The following NDRG2 variants were observed in gnomAD, a reference collection of about 807,000 sequenced individuals.
NDRG2 encodes NDRG family member 2.
In NDRG2, 34 loss-of-function variants were observed where a neutral mutation model predicts 58.2. The observed-to-expected ratio is 0.58, with a 90% confidence interval of 0.44 to 0.78. The LOEUF (loss-of-function observed/expected upper bound fraction) is 0.78, where lower values mean the gene tolerates loss of function less well. Ranked by LOEUF, NDRG2 falls within the 30% of genes least tolerant of loss-of-function variation. The pLI is 0.00. For missense variants in NDRG2, 434 were observed against 471.2 expected, an observed-to-expected ratio of 0.92 and a Z score of 0.73; for synonymous variants, 187 against 175.9, an observed-to-expected ratio of 1.06 and a Z score of -0.50.
intron 1 of NDRG2, among the ~76,000 whole-genome samples, chr14:21,031,703 C>T (rs768262212): frequency 3.3e-5 from 5 of 152,186 alleles, no homozygotes; most frequent in Non-Finnish European, 5.9e-5. Context: ...TCCTCCTCCC[C>T]CATGAGTGAA....
intron 1 of NDRG2, among the ~76,000 whole-genome samples, chr14:21,068,520 G>A (rs1320789591): frequency 6.6e-6 from 1 of 152,136 alleles, no homozygotes; most frequent in Admixed American, 6.5e-5. Context: ...TCTCAACACC[G>A]AGAATAGATG....
intron 1 of NDRG2, among the ~76,000 whole-genome samples, chr14:21,035,554 C>T (rs370867053): frequency 6.6e-5 from 10 of 152,180 alleles, no homozygotes; most frequent in African/African-American, 2.4e-4. Context: ...TTGGGGCCTC[C>T]TCTTAGGAGA....
rs1384174599 is a variant in NDRG2 at position 21,021,824 on chromosome 14, A to T, written c.400T>A (p.Tyr134Asn). ...GGTTCCCAGGCCTCTCACTTTAGGT[A>T]CTGCAGGACGCAAGGGATCATGTCT... is the stretch of plus-strand genomic sequence containing the variant. The part of the protein sequence containing the change: ...LADMIPCVLQ[Y>N]LNFSTIIGVG... Residue 134 changes from tyrosine to asparagine, a missense_variant, in exon 6 of 16, where the codon TAC becomes AAC. Coordinates refer to ENST00000556147, the MANE Select transcript of NDRG2 (RefSeq NM_001320329.2). The T allele has an allele frequency of 6.2e-7, 1 of 1,612,792 alleles. No individual in the cohort carries two copies. Among genetic ancestry groups the T allele is most frequent in the Non-Finnish European group, 8.5e-7 (1 of 1,179,390 alleles).
chr14:21,021,124 C>G, intron 6 of NDRG2: 1 of 599,670 alleles, frequency 1.7e-6, no homozygotes, highest in Non-Finnish European at 3.1e-6. Context: ...ACACTGTTTT[C>G]CCATATAGAT....
chr14:21,020,149 C>T (rs959782519), intron 8 of NDRG2, 173 bp from the exon 9 acceptor site: 24 of 601,482 alleles, frequency 4.0e-5, no homozygotes, highest in African/African-American at 3.7e-4. Flanking sequence ...CAAATATTAG[C>T]CAGGCGTGGT....
Position 21,017,255 on chromosome 14 carries a change from G to A in NDRG2, c.*341C>T. Reference sequence around the variant, plus strand: ...TGGGACAAGTAGGGAGAGTCTGATGGAGGCACCAGGACAACTACAACAACC... The same window carrying A: ...TGGGACAAGTAGGGAGAGTCTGATGAAGGCACCAGGACAACTACAACAACC... On this transcript the variant is annotated 3_prime_UTR_variant, in exon 16 of 16. Transcript: ENST00000556147. 2.6e-6 allele frequency: 1 copy of A among 389,666 alleles called. No homozygotes were observed. The highest frequency in any genetic ancestry group is 2.1e-5 in the South Asian group (1 of 47,540). The allele number at this position is 389,666 out of a possible 1,614,324, so 24.1% of individuals were successfully genotyped here.
chr14:21,049,414 T>C (rs778617785), intron 1 of NDRG2, among the ~76,000 whole-genome samples: 5 of 152,218 alleles, frequency 3.3e-5, no homozygotes, highest in Non-Finnish European at 7.3e-5. Context: ...CATAGAAACT[T>C]AGTTGAACTT....
At chr14:21,039,664 C>T (rs1884803634) in intron 1 of NDRG2, among the ~76,000 whole-genome samples, 1 of 152,200 alleles carries the variant, frequency 6.6e-6, no homozygotes, top group Non-Finnish European at 1.5e-5. Flanking sequence ...CTCCCTTATC[C>T]AAATAATTGA....
chr14:21,069,542 T>C (rs1191944646), intron 1 of NDRG2, among the ~76,000 whole-genome samples: 2 of 152,138 alleles, frequency 1.3e-5, no homozygotes, highest in East Asian at 1.9e-4. Context: ...CGCCCCTACA[T>C]AAGCATCCCG....
At chr14:21,064,154 G>A (rs959251639) in intron 1 of NDRG2, among the ~76,000 whole-genome samples, 1 of 152,068 alleles carries the variant, frequency 6.6e-6, no homozygotes, top group Non-Finnish European at 1.5e-5. Context: ...AAAATATGTC[G>A]AATGGGAATA....
intron 1 of NDRG2, among the ~76,000 whole-genome samples, chr14:21,055,263 G>A (rs8004220): frequency 0.17 from 26,066 of 152,140 alleles, 2,407 homozygotes; most frequent in Admixed American, 0.24. Context: ...ACCAAAGATT[G>A]TTTTCCAATG....
chr14:21,054,978 A>G (rs1345058161), intron 1 of NDRG2, among the ~76,000 whole-genome samples: 5 of 152,166 alleles, frequency 3.3e-5, no homozygotes, highest in African/African-American at 7.2e-5. Context: ...AACCATAAGC[A>G]ATGCGGTGTA....
At chr14:21,032,189 G>A in intron 1 of NDRG2, 2 of 1,120,214 alleles carry the variant, frequency 1.8e-6, no homozygotes, top group Middle Eastern at 2.1e-4. Context: ...CTGTCTGTGA[G>A]GGACAGATGA....
chr14:21,027,501 C>T (rs908459779), upstream of NDRG2, among the ~76,000 whole-genome samples: 2 of 152,160 alleles, frequency 1.3e-5, no homozygotes, highest in African/African-American at 4.8e-5. Context: ...GACAGTAAGT[C>T]CTATAGCAGT....
chr14:21,028,261 G>A (rs1435790152), upstream of NDRG2, among the ~76,000 whole-genome samples: 4 of 151,842 alleles, frequency 2.6e-5, no homozygotes, highest in African/African-American at 7.3e-5. Flanking sequence ...GTTTTGTTTT[G>A]TTTTGTTTTT....
upstream of NDRG2, chr14:21,030,320 A>G (rs374058250): frequency 1.9e-4 from 87 of 451,668 alleles, 1 homozygote; most frequent in African/African-American, 1.4e-3. Context: ...TAAAAGAGGT[A>G]GGGGAAAGAG....
Position 21,070,449 on chromosome 14 carries a change from C to G in NDRG2, c.24+379G>C. On this transcript the variant is annotated intron_variant, in intron 1 of 14. Transcript: ENST00000403829. The surrounding 1 kb of genome is among the most constrained non-coding windows in gnomAD (Gnocchi z 4.7). ...GGGTCCCCTCGGCCTTCGCGCAGCC[C>G]GCTCCGGGCCCCCAAGTCCTCAGCC... 7.4e-7 allele frequency: 1 copy of G among 1,359,950 alleles called. No individual in the cohort carries two copies. Among genetic ancestry groups the G allele is most frequent in the South Asian group, 1.9e-5 (1 of 53,652 alleles). The allele number at this position is 1,359,950 out of a possible 1,614,324, so 84.2% of individuals were successfully genotyped here.
chr14:21,039,526 C>A (rs1383359403), intron 1 of NDRG2, among the ~76,000 whole-genome samples: 3 of 152,172 alleles, frequency 2.0e-5, no homozygotes, highest in Non-Finnish European at 2.9e-5. Context: ...CTAAACTTGT[C>A]CCCCTTCCTC....
intron 1 of NDRG2, among the ~76,000 whole-genome samples, chr14:21,044,810 C>G (rs888655071): frequency 6.6e-6 from 1 of 152,206 alleles, no homozygotes; most frequent in African/African-American, 2.4e-5. Flanking sequence ...ATAAGACATT[C>G]CCAACCCTGC....
Sources: allele counts gnomAD v4.1 joint callset (sites outside exome capture counted in the v4.1 genomes callset), GRCh38; gene constraint gnomAD v4.1.1; non-coding constraint Gnocchi (gnomAD v3.1); transcripts MANE v1.5; gene names NCBI Gene and HGNC (gene_info 2026-07-23, HGNC 2026-07-21).